FRMPD4: variants seen among roughly 807,000 people sequenced by gnomAD.
The protein encoded by FRMPD4 is FERM and PDZ domain containing 4.
In FRMPD4, 22 loss-of-function variants were observed where a neutral mutation model predicts 94.1. The ratio of observed to expected loss-of-function variants is 0.23; its 90% CI spans 0.17 to 0.33. The LOEUF (loss-of-function observed/expected upper bound fraction) is 0.33, where lower values mean the gene tolerates loss of function less well. FRMPD4 is among the 10% of genes least tolerant of loss of function. The pLI is 1.00. For synonymous variants in FRMPD4, 631 were observed against 548.6 expected (o/e 1.15, Z -2.10); for missense variants, 1,111 against 1,339.9 (o/e 0.83, Z 2.67).
rs755073540 is a variant in FRMPD4 at position 12,474,984 on chromosome X, C to T, written c.42-23696C>T. Among the ~76,000 whole-genome samples the T allele has an allele frequency of 3.4e-3, 385 of 111,739 alleles. 1 individual carries two copies. Among genetic ancestry groups the T allele is most frequent in the African/African-American group, 0.011 (352 of 30,772 alleles). ...TTATGAGGCCAGCATCATCCTGATACCAAAGCCTAGCAGAGACACAACAAA... is the reference window on the plus strand; with the variant it reads ...TTATGAGGCCAGCATCATCCTGATATCAAAGCCTAGCAGAGACACAACAAA... On this transcript the variant is annotated intron_variant, in intron 1 of 16. Coordinates refer to ENST00000675598, the MANE Select transcript of FRMPD4 (RefSeq NM_001368397.1).
chrX:12,693,138 G>A (rs2060094190), intron 8 of FRMPD4, among the ~76,000 whole-genome samples: 1 of 111,947 alleles, frequency 8.9e-6, no homozygotes, highest in Admixed American at 9.5e-5. Flanking sequence ...ACACACCACG[G>A]GACTCAATAA....
intron 4 of FRMPD4, among the ~76,000 whole-genome samples, chrX:12,637,446 G>T (rs1352903467): frequency 8.9e-6 from 1 of 112,251 alleles, no homozygotes; most frequent in Non-Finnish European, 1.9e-5. Flanking sequence ...GAGGTGGAAG[G>T]ATCACTTGAA....
chrX:12,154,511 C>T (rs552916573), intron 1 of FRMPD4, among the ~76,000 whole-genome samples: 1 of 112,256 alleles, frequency 8.9e-6, no homozygotes, highest in South Asian at 3.7e-4. Flanking sequence ...GGGGATGTAG[C>T]CTCCTAGCCC....
At chrX:12,386,264 C>A (rs1212321336) in intron 1 of FRMPD4, among the ~76,000 whole-genome samples, 2 of 112,334 alleles carry the variant, frequency 1.8e-5, no homozygotes, top group Non-Finnish European at 3.8e-5. Flanking sequence ...TACAAAGCAA[C>A]AACCTATTTC....
intron 2 of FRMPD4, among the ~76,000 whole-genome samples, chrX:12,579,660 T>A (rs747708546): frequency 8.9e-6 from 1 of 112,120 alleles, no homozygotes; most frequent in Non-Finnish European, 1.9e-5. Context: ...AGATTTTTTT[T>A]AGACAAAAAT....
At chrX:12,458,182 A>C (rs1431194728) in intron 1 of FRMPD4, among the ~76,000 whole-genome samples, 1 of 111,415 alleles carries the variant, frequency 9.0e-6, no homozygotes, top group African/African-American at 3.3e-5. Flanking sequence ...AAATTCCTTC[A>C]TTTTTATTGC....
At chrX:12,330,241 TAA>T (rs1430797644) in intron 1 of FRMPD4, among the ~76,000 whole-genome samples, 1 of 111,248 alleles carries the variant, frequency 9.0e-6, no homozygotes, top group Non-Finnish European at 1.9e-5. Context: ...TTTCTTATAT[TAA>T]ATTAGGGAAG....
chrX:12,508,323 T>C (rs977777994), intron 2 of FRMPD4, among the ~76,000 whole-genome samples: 1 of 110,760 alleles, frequency 9.0e-6, no homozygotes, highest in Admixed American at 9.6e-5. Flanking sequence ...GTTTCCCACA[T>C]TATCAAGCCC....
At chrX:12,672,322 G>A (rs62590595) in intron 4 of FRMPD4, among the ~76,000 whole-genome samples, 40,658 of 110,821 alleles carry the variant, frequency 0.37, 5,697 homozygotes, top group Non-Finnish European at 0.41. Context: ...GCTATGCTCA[G>A]TGCTCCTTGG....
Position 12,152,691 on chromosome X carries a change from T to TA in FRMPD4, c.41+13681dup, listed in dbSNP as rs780389527. 4.5e-5 allele frequency among the ~76,000 whole-genome samples: 5 copies of TA among 111,486 alleles called. No individual in the cohort carries two copies. The East Asian group carries it at 1.4e-3, about 31-fold the overall frequency. ...ATTAAAGATATGTATTATACAAGTA[T>TA]AATAGAAATTTCAGATCTATAAAAT... is the stretch of plus-strand genomic sequence containing the variant. On this transcript the variant is annotated intron_variant, in intron 1 of 16. Coordinates refer to ENST00000675598, the MANE Select transcript of FRMPD4 (RefSeq NM_001368397.1).
chrX:12,472,751 G>T (rs184254000), intron 1 of FRMPD4, among the ~76,000 whole-genome samples: 1 of 103,260 alleles, frequency 9.7e-6, no homozygotes, highest in Admixed American at 1.1e-4. Context: ...AGCGAGAAGA[G>T]AAGTTTAGAG....
At chrX:12,496,350 T>C (rs1018454027) in intron 1 of FRMPD4, among the ~76,000 whole-genome samples, 19 of 112,369 alleles carry the variant, frequency 1.7e-4, no homozygotes, top group South Asian at 3.7e-4. Flanking sequence ...TTTCAATGCA[T>C]TCACACCTAC....
intron 1 of FRMPD4, among the ~76,000 whole-genome samples, chrX:12,156,569 C>T (rs1326126528): frequency 8.9e-6 from 1 of 111,983 alleles, no homozygotes; most frequent in African/African-American, 3.2e-5. Flanking sequence ...GGGAAATGTG[C>T]TTCTCTGTGT....
chrX:12,102,262 G>T (rs1019636676), intron 3 of FRMPD4, among the ~76,000 whole-genome samples: 13 of 111,726 alleles, frequency 1.2e-4, no homozygotes, highest in Non-Finnish European at 1.9e-4. Flanking sequence ...AATCTACAGG[G>T]AAAGGGCCCT....
At chrX:12,159,157 A>G (rs1432370039) in intron 1 of FRMPD4, among the ~76,000 whole-genome samples, 17 of 112,273 alleles carry the variant, frequency 1.5e-4, no homozygotes, top group Admixed American at 1.0e-3. Context: ...CTGCTCTTGT[A>G]AGGTCTCCTC....
chrX:11,902,999 A>G (rs2053946483), intron 3 of FRMPD4, among the ~76,000 whole-genome samples: 1 of 112,000 alleles, frequency 8.9e-6, no homozygotes, highest in African/African-American at 3.3e-5. Flanking sequence ...TGAATGATAA[A>G]TATATGGTAT....
At chrX:12,402,907 G>A (rs1466622758) in intron 1 of FRMPD4, among the ~76,000 whole-genome samples, 1 of 111,925 alleles carries the variant, frequency 8.9e-6, no homozygotes, top group African/African-American at 3.2e-5. Context: ...CCTTGGTCTT[G>A]GACTTCCTAG....
At chrX:12,720,509 T>C (rs1254013009) in intron 16 of FRMPD4, 25 bp from the exon 17 acceptor site, 1 of 1,199,388 alleles carries the variant, frequency 8.3e-7, no homozygotes, top group African/African-American at 1.8e-5. Context: ...TGATTCTCTC[T>C]GTTTTTCTAC....
At chrX:12,326,266 G>T (rs955119723) in intron 1 of FRMPD4, among the ~76,000 whole-genome samples, 1 of 112,008 alleles carries the variant, frequency 8.9e-6, no homozygotes, top group Non-Finnish European at 1.9e-5. Flanking sequence ...ATCTATTTTA[G>T]ATCCCTCTGG....
Sources: gnomAD v4.1 joint callset for allele counts (sites outside exome capture counted in the v4.1 genomes callset) on GRCh38, gnomAD v4.1.1 for gene constraint, MANE v1.5 for transcripts, NCBI Gene and HGNC (gene_info 2026-07-23, HGNC 2026-07-21) for gene names.